The following RIMS2 variants were observed in gnomAD, a reference collection of about 807,000 sequenced individuals.
The protein encoded by RIMS2 is regulating synaptic membrane exocytosis protein 2.
In RIMS2, 59 loss-of-function variants were observed where a neutral mutation model predicts 174.4. The ratio of observed to expected loss-of-function variants is 0.34; its 90% CI spans 0.27 to 0.42. The LOEUF (loss-of-function observed/expected upper bound fraction) is 0.42, where lower values mean the gene tolerates loss of function less well. Ranked by LOEUF, RIMS2 falls within the 10% of genes least tolerant of loss-of-function variation. RIMS2 has a pLI of 1.00. For synonymous variants in RIMS2, 606 were observed against 572.5 expected (o/e 1.06, Z -0.84); for missense variants, 1,620 against 1,666.3 (o/e 0.97, Z 0.48).
intron 19 of RIMS2, 124 bp downstream of exon 25, chr8:104,148,972 A>T: frequency 1.0e-6 from 1 of 953,500 alleles, no homozygotes; most frequent in Non-Finnish European, 1.6e-6. Flanking sequence ...GGGAAAGGGC[A>T]TTTTAAACTA....
chr8:103,518,180 T>C (rs1395209821), intron 1 of RIMS2, among the ~76,000 whole-genome samples: 3 of 152,164 alleles, frequency 2.0e-5, no homozygotes, highest in Non-Finnish European at 4.4e-5. Flanking sequence ...CAACCATGGC[T>C]CTGTTAAGAG....
chr8:104,243,925 A>T (rs527729065), intron 19 of RIMS2, among the ~76,000 whole-genome samples: 2 of 152,004 alleles, frequency 1.3e-5, no homozygotes, highest in Non-Finnish European at 2.9e-5. Context: ...CTCCCCCATT[A>T]CTTTACATGT....
rs201017692 is a variant in RIMS2 at position 103,962,053 on chromosome 8, T to TA, written c.2770+922dup. Among the ~76,000 whole-genome samples the TA allele has an allele frequency of 8.0e-3, 1,225 of 152,232 alleles. 19 individuals are homozygous for TA. Among genetic ancestry groups the TA allele is most frequent in the African/African-American group, 0.028 (1,170 of 41,556 alleles). On this transcript the variant is annotated intron_variant, in intron 15 of 23. Coordinates refer to ENST00000504942, the Ensembl canonical transcript of RIMS2. ...TCATGATTGCTTTCTTGGAGATCAT[T>TA]AATTTTTTTTTCTATTTGTATTCTA... is the stretch of plus-strand genomic sequence containing the variant.
intron 19 of RIMS2, among the ~76,000 whole-genome samples, chr8:104,236,599 C>G (rs1191035254): frequency 1.3e-5 from 2 of 151,946 alleles, no homozygotes; most frequent in African/African-American, 4.8e-5. Flanking sequence ...TTTCTATAGA[C>G]AAGTATTTTC....
chr8:103,943,449 C>T (rs552317534), intron 14 of RIMS2, among the ~76,000 whole-genome samples: 1 of 152,176 alleles, frequency 6.6e-6, no homozygotes, highest in South Asian at 2.1e-4. Flanking sequence ...CTATGCCTCA[C>T]TTTCTTTGTT....
At chr8:103,909,622 A>G (rs1022988314) in intron 4 of RIMS2, among the ~76,000 whole-genome samples, 1 of 152,124 alleles carries the variant, frequency 6.6e-6, no homozygotes, top group Non-Finnish European at 1.5e-5. Flanking sequence ...AGGTTTTAGC[A>G]TGATGAAGAA....
At chr8:103,701,213 TA>T (rs1030309528) in intron 2 of RIMS2, among the ~76,000 whole-genome samples, 2 of 152,102 alleles carry the variant, frequency 1.3e-5, no homozygotes, top group African/African-American at 4.8e-5. Context: ...CTTCATTTTT[TA>T]AAAAGATATT....
At chr8:103,702,338 C>T (rs62527093) in intron 2 of RIMS2, among the ~76,000 whole-genome samples, 3,248 of 152,014 alleles carry the variant, frequency 0.021, 58 homozygotes, top group Middle Eastern at 0.051. Context: ...TTATTAATCC[C>T]TTATTGGATA....
chr8:104,234,778 A>G (rs1184182239), intron 19 of RIMS2, among the ~76,000 whole-genome samples: 1 of 152,184 alleles, frequency 6.6e-6, no homozygotes, highest in Non-Finnish European at 1.5e-5. Context: ...CATAATGGGA[A>G]ATGGGTATGC....
At position 103,673,523 on chromosome 8, in the gene RIMS2, T is replaced by C. The variant is rs183797146; in HGVS notation, c.177-23563T>C. On this transcript the variant is annotated intron_variant, in intron 1 of 23. Transcript: ENST00000504942. ...ACTATGTGGAAGCTGCCAAGACTCATGGCTTGCATTCTTCAAAGTGTCAGC... is the reference window on the plus strand; with the variant it reads ...ACTATGTGGAAGCTGCCAAGACTCACGGCTTGCATTCTTCAAAGTGTCAGC... Among the ~76,000 whole-genome samples the C allele has an allele frequency of 2.6e-5, 4 of 152,338 alleles. No individual in the cohort carries two copies. The East Asian group carries it at 7.7e-4, about 29-fold the overall frequency.
At chr8:104,110,376 G>T (rs2098159059) in intron 19 of RIMS2, among the ~76,000 whole-genome samples, 1 of 152,020 alleles carries the variant, frequency 6.6e-6, no homozygotes, top group African/African-American at 2.4e-5. Context: ...ATTCTCAAAA[G>T]AAAATCTATA....
At chr8:104,039,870 G>A (rs763130257) in intron 19 of RIMS2, among the ~76,000 whole-genome samples, 39 of 151,540 alleles carry the variant, frequency 2.6e-4, no homozygotes, top group Non-Finnish European at 4.3e-4. Flanking sequence ...TTTTCTAGGG[G>A]TTAATCCTGT....
intron 2 of RIMS2, among the ~76,000 whole-genome samples, chr8:103,741,378 A>G (rs1049112435): frequency 2.0e-5 from 3 of 152,140 alleles, no homozygotes; most frequent in African/African-American, 4.8e-5. Flanking sequence ...AATTCACTCA[A>G]TTCTTTGAAG....
chr8:103,743,785 T>C (rs1478910484), intron 2 of RIMS2, among the ~76,000 whole-genome samples: 1 of 152,172 alleles, frequency 6.6e-6, no homozygotes, highest in African/African-American at 2.4e-5. Flanking sequence ...GGAAATGTCC[T>C]TTTATTCCTA....
chr8:103,850,640 A>G (rs1440388331), intron 3 of RIMS2, among the ~76,000 whole-genome samples: 2 of 151,952 alleles, frequency 1.3e-5, no homozygotes, highest in East Asian at 3.9e-4. Context: ...GTGGCCACCT[A>G]TTCTTTTTGG....
intron 1 of RIMS2, among the ~76,000 whole-genome samples, chr8:103,656,089 A>G (rs1226205167): frequency 6.6e-6 from 1 of 152,100 alleles, no homozygotes; most frequent in African/African-American, 2.4e-5. Context: ...AAGTAAATTG[A>G]GAATATATTT....
intron 3 of RIMS2, 89 bp downstream of exon 6, chr8:103,766,626 T>C: frequency 1.2e-6 from 1 of 833,492 alleles, no homozygotes; most frequent in East Asian, 2.7e-5. Context: ...GTTTAGGCAA[T>C]GGTGAGTTGT....
chr8:104,121,415 AT>A (rs750687286), intron 19 of RIMS2, among the ~76,000 whole-genome samples: 4 of 152,186 alleles, frequency 2.6e-5, no homozygotes, highest in Non-Finnish European at 4.4e-5. Context: ...GTGGTATATC[AT>A]CTCAGACCGT....
chr8:103,846,849 C>T (rs956102362), intron 3 of RIMS2, among the ~76,000 whole-genome samples: 2 of 152,180 alleles, frequency 1.3e-5, no homozygotes, highest in East Asian at 1.9e-4. Context: ...GGTAGATTGA[C>T]TCAGATCCTC....
Sources: allele counts gnomAD v4.1 joint callset (sites outside exome capture counted in the v4.1 genomes callset), GRCh38; gene constraint gnomAD v4.1.1; transcripts MANE v1.5; gene names NCBI Gene and HGNC (gene_info 2026-07-23, HGNC 2026-07-21).